UGT8: variants seen among roughly 807,000 people sequenced by gnomAD.
The protein encoded by UGT8 is UDP glycosyltransferase 8.
A neutral mutation model predicts 40.5 loss-of-function variants in UGT8; 12 were observed. That is an observed-to-expected ratio of 0.30 (90% confidence interval 0.19 to 0.48). The LOEUF (loss-of-function observed/expected upper bound fraction) is 0.48. UGT8 is among the 20% of genes least tolerant of loss of function. The pLI is 0.99. For missense variants in UGT8, 513 were observed against 648.7 expected, an observed-to-expected ratio of 0.79 and a Z score of 2.27; for synonymous variants, 224 against 240.4, an observed-to-expected ratio of 0.93 and a Z score of 0.63.
intron 2 of UGT8, among the ~76,000 whole-genome samples, chr4:114,653,281 A>G (rs1733991998): frequency 2.6e-5 from 4 of 152,136 alleles, no homozygotes; most frequent in Non-Finnish European, 4.4e-5. Context: ...CCATGACGTT[A>G]TAGTCGTAGA....
chr4:114,611,191 G>C (rs905641648), intron 1 of UGT8, among the ~76,000 whole-genome samples: 2 of 151,884 alleles, frequency 1.3e-5, no homozygotes, highest in African/African-American at 2.4e-5. Flanking sequence ...ACGTTAGACT[G>C]TAAAGCCTTA....
chr4:114,603,275 A>G (rs991161966), intron 1 of UGT8, among the ~76,000 whole-genome samples: 1 of 152,196 alleles, frequency 6.6e-6, no homozygotes. Flanking sequence ...GAATCATTGT[A>G]TGTGAGTTCT....
chr4:114,626,003 A>C (rs150288624), intron 2 of UGT8, among the ~76,000 whole-genome samples: 161 of 152,318 alleles, frequency 1.1e-3, no homozygotes, highest in African/African-American at 3.8e-3. Flanking sequence ...GCATGTGTGC[A>C]TGTGTTATAT....
intron 1 of UGT8, among the ~76,000 whole-genome samples, chr4:114,613,860 C>T (rs961819175): frequency 2.0e-5 from 3 of 152,112 alleles, no homozygotes; most frequent in African/African-American, 7.2e-5. Flanking sequence ...TTCTGGACGC[C>T]AGAATTTGAA....
Position 114,662,448 on chromosome 4 carries a change from A to G in UGT8, c.823-1547A>G, listed in dbSNP as rs183844557. Among the ~76,000 whole-genome samples, 26 of 152,352 alleles carry G rather than the reference A, an allele frequency of 1.7e-4. No individual in the cohort carries two copies. The East Asian group carries it at 4.0e-3, about 24-fold the overall frequency. On this transcript the variant is annotated intron_variant, in intron 2 of 5. Coordinates refer to ENST00000310836, the MANE Select transcript of UGT8 (RefSeq NM_001128174.3). The stretch of plus-strand genomic sequence containing the variant: ...GAAGGAGTATCGCTTTCACAGCATC[A>G]TAAAGTTGAAAAATCATAAGTCAAG...
At position 114,648,459 on chromosome 4, in the gene UGT8, G is replaced by A. The variant is rs182753766; in HGVS notation, c.823-15536G>A. Among the ~76,000 whole-genome samples the A allele has an allele frequency of 2.0e-5, 3 of 150,418 alleles. No homozygotes were observed. The East Asian group carries it at 5.9e-4, about 29-fold the overall frequency. On this transcript the variant is annotated intron_variant, in intron 2 of 5. Transcript: ENST00000310836. Reference sequence around the variant, plus strand: ...CTGTATTGTAATAGTTTTGGGAAAGGCATTATTTTTTAAATCTTGCCATTA... The same window carrying A: ...CTGTATTGTAATAGTTTTGGGAAAGACATTATTTTTTAAATCTTGCCATTA...
intron 2 of UGT8, among the ~76,000 whole-genome samples, chr4:114,636,488 C>T (rs554332882): frequency 4.6e-5 from 7 of 152,250 alleles, no homozygotes; most frequent in South Asian, 4.2e-4. Flanking sequence ...ATAATCTTTA[C>T]GCATTAGTGT....
At chr4:114,637,388 T>C (rs116162689) in intron 2 of UGT8, among the ~76,000 whole-genome samples, 2 of 152,248 alleles carry the variant, frequency 1.3e-5, no homozygotes, top group Non-Finnish European at 2.9e-5. Context: ...TTGTTGAGTA[T>C]GTGTTCTTGT....
At chr4:114,654,932 C>T (rs984008054) in intron 2 of UGT8, among the ~76,000 whole-genome samples, 2 of 151,958 alleles carry the variant, frequency 1.3e-5, no homozygotes, top group African/African-American at 4.8e-5. Flanking sequence ...ATACAGTCTG[C>T]CACACAATAT....
intron 2 of UGT8, among the ~76,000 whole-genome samples, chr4:114,662,914 C>T (rs1734637069): frequency 6.6e-6 from 1 of 150,610 alleles, no homozygotes; most frequent in South Asian, 2.1e-4. Flanking sequence ...CAAGCTCCGC[C>T]TCCCAGGTTC....
chr4:114,642,726 G>A (rs1002220750), intron 2 of UGT8, among the ~76,000 whole-genome samples: 8 of 152,014 alleles, frequency 5.3e-5, no homozygotes, highest in Admixed American at 6.6e-5. Flanking sequence ...CTTTCTTTTG[G>A]TGTATGAGAA....
intron 1 of UGT8, among the ~76,000 whole-genome samples, chr4:114,599,436 G>T (rs1418045827): frequency 6.6e-6 from 1 of 152,142 alleles, no homozygotes; most frequent in Non-Finnish European, 1.5e-5. Flanking sequence ...GGAGCTTCGG[G>T]ACCTCTTCAA....
chr4:114,618,805 G>T (rs1184638581), intron 1 of UGT8, among the ~76,000 whole-genome samples: 1 of 151,922 alleles, frequency 6.6e-6, no homozygotes, highest in African/African-American at 2.4e-5. Context: ...AAGGTTTAAG[G>T]TAAAAAATAT....
At chr4:114,629,004 A>G (rs1187319297) in intron 2 of UGT8, among the ~76,000 whole-genome samples, 2 of 151,922 alleles carry the variant, frequency 1.3e-5, no homozygotes, top group Admixed American at 6.6e-5. Flanking sequence ...ATTACTTCCT[A>G]TTACATATGG....
chr4:114,656,849 A>T, intron 2 of UGT8: 1 of 510,470 alleles, frequency 2.0e-6, no homozygotes, highest in South Asian at 1.5e-5. Flanking sequence ...CCCCATATCT[A>T]CTTACTGTAG....
In UGT8 at chr4:114,654,706, A is replaced by AAG. The variant is rs201578940; in HGVS notation, c.823-9279_823-9278dup. ...TTTGGAAAAGAAGGGTGCATTTTGCAAGAGAGAGAGAAGTAGGTGTCAAGT... is the reference window on the plus strand; with the variant it reads ...TTTGGAAAAGAAGGGTGCATTTTGCAAGAGAGAGAGAGAAGTAGGTGTCAAGT... On this transcript the variant is annotated intron_variant, in intron 2 of 5. Coordinates refer to ENST00000310836, the MANE Select transcript of UGT8 (RefSeq NM_001128174.3). Among the ~76,000 whole-genome samples the AAG allele has an allele frequency of 1.5e-3, 226 of 152,210 alleles. 2 individuals carry two copies. The East Asian group carries it at 0.034, about 23-fold the overall frequency.
chr4:114,616,214 C>A (rs1378822419), intron 1 of UGT8, among the ~76,000 whole-genome samples: 2 of 152,182 alleles, frequency 1.3e-5, no homozygotes, highest in African/African-American at 4.8e-5. Context: ...TCTACAGAGG[C>A]AGGCAGGCCT....
At chr4:114,631,344 C>A (rs1373245479) in intron 2 of UGT8, among the ~76,000 whole-genome samples, 1 of 151,924 alleles carries the variant, frequency 6.6e-6, no homozygotes, top group Admixed American at 6.6e-5. Flanking sequence ...ATTAGCAGGG[C>A]GTTGTTGTGG....
intron 1 of UGT8, among the ~76,000 whole-genome samples, chr4:114,619,911 GT>G (rs1731678228): frequency 6.6e-6 from 1 of 151,416 alleles, no homozygotes; most frequent in Admixed American, 6.6e-5. Flanking sequence ...GTATTGCTTA[GT>G]TTGTTTTCTA....
Sources: allele counts gnomAD v4.1 joint callset (sites outside exome capture counted in the v4.1 genomes callset), GRCh38; gene constraint gnomAD v4.1.1; transcripts MANE v1.5; gene names NCBI Gene and HGNC (gene_info 2026-07-23, HGNC 2026-07-21).